The following SHD variants were observed in gnomAD, a reference collection of about 807,000 sequenced individuals.
SHD encodes the protein Src homology 2 domain containing transforming protein D, also known as SH2 domain-containing adapter protein D.
A neutral mutation model predicts 31.2 loss-of-function variants in SHD; 29 were observed. That is an observed-to-expected ratio of 0.93 (90% CI 0.69 to 1.27). The LOEUF (loss-of-function observed/expected upper bound fraction) is 1.27, where lower values mean the gene tolerates loss of function less well. Ranked by LOEUF, SHD falls within the 50% of genes most tolerant of loss-of-function variation. The probability of loss-of-function intolerance (pLI) is 0.00; values close to 1 mark genes in which losing one functional copy is unlikely to be tolerated. For missense variants in SHD, 520 were observed against 453.8 expected (o/e 1.15, Z -1.33); for synonymous variants, 208 against 187.8 (o/e 1.11, Z -0.88).
Position 4,290,359 on chromosome 19 carries a change from CTGGGCACTG to C in SHD, c.837-83_837-75del, listed in dbSNP as rs1158782368. ...GACTGGAGACACACGAGCACCTGGC[CTGGGCACTG>C]TGGGAGGTGGCTTTGGGGATGGTGC... On this transcript the variant is annotated intron_variant, in intron 5 of 5. Transcript: ENST00000543264. 4 of 1,441,650 alleles carry C rather than the reference CTGGGCACTG, an allele frequency of 2.8e-6. No individual in the cohort carries two copies. The African/African-American group carries it at 5.6e-5, about 20-fold the overall frequency. 89.3% of individuals were successfully genotyped at this position (1,441,650 alleles called of 1,614,324 possible).
rs539514020 is a variant in SHD, at chr19:4,285,800, G to A, written c.716+896G>A. 4.0e-5 allele frequency among the ~76,000 whole-genome samples: 6 copies of A among 150,422 alleles called. No individual in the cohort carries two copies. The East Asian group carries it at 5.9e-4, about 15-fold the overall frequency. On this transcript the variant is annotated intron_variant, in intron 4 of 5. Coordinates refer to ENST00000543264, the MANE Select transcript of SHD (RefSeq NM_020209.4). ...CCTGACCTCATGATCCATCCACCTC[G>A]GCCTCCCAAAGTGCTGGGATTACAG...
intron 5 of SHD, among the ~76,000 whole-genome samples, chr19:4,288,693 T>A (rs1440800006): frequency 1.3e-5 from 2 of 152,152 alleles, no homozygotes; most frequent in Non-Finnish European, 2.9e-5. Context: ...TCAATTTGTG[T>A]CCATCTGAAG....
At chr19:4,287,907 T>G (rs1398211460) in intron 4 of SHD, among the ~76,000 whole-genome samples, 2 of 137,032 alleles carry the variant, frequency 1.5e-5, no homozygotes, top group Non-Finnish European at 3.1e-5. Flanking sequence ...TGTTTGTTTG[T>G]TTGTTCGTTT....
chr19:4,280,786 C>A (rs535335639), intron 1 of SHD, among the ~76,000 whole-genome samples: 2 of 152,110 alleles, frequency 1.3e-5, no homozygotes, highest in Non-Finnish European at 2.9e-5. Context: ...CTCTGCCTCC[C>A]GAAGTGCTGG....
At chr19:4,289,103 A>ATTTTTTT (rs71166980) in intron 5 of SHD, among the ~76,000 whole-genome samples, 1 of 77,362 alleles carries the variant, frequency 1.3e-5, no homozygotes, top group Non-Finnish European at 2.3e-5. Context: ...TGCCCAGCTA[A>ATTTTTTT]TTTTTTTTTT....
At position 4,290,666 on chromosome 19, in the gene SHD, G is replaced by A. The variant is rs761695008; in HGVS notation, c.*33G>A. On this transcript the variant is annotated 3_prime_UTR_variant, in exon 6 of 6. Coordinates refer to ENST00000543264, the MANE Select transcript of SHD (RefSeq NM_020209.4). ...CCTCGGCCCCCTTTTGAGTCCTCGG[G>A]CCCAGAATCGTATCCCAAAGCCCTC... The A allele has an allele frequency of 1.3e-6, 2 of 1,547,080 alleles. No individual in the cohort carries two copies. Among genetic ancestry groups the A allele is most frequent in the African/African-American group, 2.7e-5 (2 of 72,870 alleles).
At position 4,279,803 on chromosome 19, in the gene SHD, T is replaced by C. The variant is rs1971236691; in HGVS notation, c.-261T>C. Reference sequence around the variant, plus strand: ...GTTCGGGGCCCTGCGAGGTCCCCCCTTCCCCCGCGGTGCTTCCCAAGCTGG... The same window carrying C: ...GTTCGGGGCCCTGCGAGGTCCCCCCCTCCCCCGCGGTGCTTCCCAAGCTGG... On this transcript the variant is annotated 5_prime_UTR_variant, in exon 1 of 6. Coordinates refer to ENST00000543264, the MANE Select transcript of SHD (RefSeq NM_020209.4). The surrounding 1 kb of genome is among the most constrained non-coding windows in gnomAD (Gnocchi z 7.5). 2.0e-6 allele frequency: 1 copy of C among 503,538 alleles called. No homozygotes were observed. The highest frequency in any genetic ancestry group is 2.9e-5 in the South Asian group (1 of 34,618). 31.2% of individuals were successfully genotyped at this position (503,538 alleles called of 1,614,324 possible).
At chr19:4,284,316 C>T (rs1482230693) in intron 3 of SHD, 1 of 152,348 alleles carries the variant, frequency 6.6e-6, no homozygotes, top group East Asian at 1.9e-4. Context: ...TAAACAAATA[C>T]ATAAAATAAA....
intron 4 of SHD, among the ~76,000 whole-genome samples, chr19:4,285,690 C>T (rs1261936749): frequency 2.6e-5 from 4 of 151,452 alleles, no homozygotes; most frequent in Admixed American, 2.0e-4. Context: ...GGTGGGACTA[C>T]AGGCGTGCAC....
chr19:4,290,476 TCG>T lies in SHD; in HGVS notation c.871_872del (p.Arg291AspfsTer3). 1 of 1,613,006 alleles carries T rather than the reference TCG, an allele frequency of 6.2e-7. No homozygotes were observed. The highest frequency in any genetic ancestry group is 8.5e-7 in the Non-Finnish European group (1 of 1,179,754). ...AGCCAGGGCTTCCTGCATCTGAAGTTCGCGCGGACCCGTGAGAACCAGGTGGT... is the reference window on the plus strand; with the variant it reads ...AGCCAGGGCTTCCTGCATCTGAAGTTCGCGGACCCGTGAGAACCAGGTGGT... On this transcript the variant is annotated frameshift_variant, in exon 6 of 6. Coordinates refer to ENST00000543264, the MANE Select transcript of SHD (RefSeq NM_020209.4). LOFTEE classifies it low-confidence loss of function (END_TRUNC).
chr19:4,280,080 G>A lies in SHD; in HGVS notation c.17G>A (p.Arg6Gln), dbSNP rs766092262. The stretch of plus-strand genomic sequence containing the variant: ...GGCGCCCAAATGGCCAAGTGGCTAC[G>A]GGACTACCTGAGCTTTGGGGGTCGG... Reference protein sequence around the residue: MAKWLRDYLSFGGRRP... With the variant: MAKWLQDYLSFGGRRP... The change falls in exon 1 of 6, where the codon CGG becomes CAG. Residue 6 changes from arginine to glutamine, a missense_variant. Physicochemically the swap from Arg to Gln is conservative, Grantham distance 43. Transcript: ENST00000543264. The A allele has an allele frequency of 6.2e-7, 1 of 1,607,166 alleles. No homozygotes were observed.
In SHD at chr19:4,279,890, T is replaced by G. The variant is rs539138512; in HGVS notation, c.-174T>G. 2.1e-3 allele frequency: 1,588 copies of G among 745,414 alleles called. 5 individuals are homozygous for G. The highest frequency in any genetic ancestry group is 3.0e-3 in the Non-Finnish European group (1,434 of 471,790). 46.2% of individuals were successfully genotyped at this position (745,414 alleles called of 1,614,324 possible). A position where few individuals can be genotyped will look rare whatever the true frequency, so the allele number is the denominator to read the frequency against. On this transcript the variant is annotated 5_prime_UTR_variant, in exon 1 of 6. Transcript: ENST00000543264. This position sits in a 1 kb window ranked among gnomAD's most constrained non-coding sequence, Gnocchi z 7.5. ...CTCCTTTTCCTCCCCCTCGTTCACC[T>G]TTTCCTTCCCTCTATCCATCCAGAG...
chr19:4,288,951 C>G (rs112148479), intron 5 of SHD, among the ~76,000 whole-genome samples: 3,858 of 152,046 alleles, frequency 0.025, 167 homozygotes, highest in African/African-American at 0.086. Context: ...GCCTGGCCAA[C>G]ATGGTGAAAC....
intron 5 of SHD, 94 bp downstream of exon 5, chr19:4,288,456 G>A (rs1257236094): frequency 5.0e-6 from 7 of 1,413,008 alleles, no homozygotes; most frequent in Middle Eastern, 1.8e-4. Flanking sequence ...TGTGGCTCCC[G>A]CAGCCATAGG....
In SHD at chr19:4,279,597, G is replaced by A. The variant is rs1483821984; in HGVS notation, c.-467G>A. Reference sequence around the variant, plus strand: ...GCTGCGCTGAGAACCCAGGCGTCCGGGCTGGGAGAGGGGCCGGGAGCGTCC... The same window carrying A: ...GCTGCGCTGAGAACCCAGGCGTCCGAGCTGGGAGAGGGGCCGGGAGCGTCC... On this transcript the variant is annotated 5_prime_UTR_variant, in exon 1 of 6. Transcript: ENST00000543264. This position sits in a 1 kb window ranked among gnomAD's most constrained non-coding sequence, Gnocchi z 7.5. 1.3e-5 allele frequency: 2 copies of A among 154,350 alleles called. No homozygotes were observed. The highest frequency in any genetic ancestry group is 3.8e-4 in the East Asian group (2 of 5,198). The allele number at this position is 154,350 out of a possible 1,614,324, so 9.6% of individuals were successfully genotyped here.
At chr19:4,281,242 C>G (rs146177609) in intron 1 of SHD, among the ~76,000 whole-genome samples, 1 of 150,816 alleles carries the variant, frequency 6.6e-6, no homozygotes, top group Non-Finnish European at 1.5e-5. Flanking sequence ...CCCAGGAGTT[C>G]GAGACCAGCC....
At chr19:4,287,062 A>G (rs1971327239) in intron 4 of SHD, among the ~76,000 whole-genome samples, 1 of 145,634 alleles carries the variant, frequency 6.9e-6, no homozygotes, top group African/African-American at 2.5e-5. Context: ...AGCCGGGCGC[A>G]GTGGCTCATG....
At chr19:4,285,056 C>A in intron 4 of SHD, 152 bp downstream of exon 4, 1 of 998,284 alleles carries the variant, frequency 1.0e-6, no homozygotes, top group Non-Finnish European at 1.4e-6. Flanking sequence ...TCTTTACGGG[C>A]TCCAGAGCCT....
At chr19:4,283,562 TTTTATTTTATTTTA>T (rs1367147338) in intron 3 of SHD, among the ~76,000 whole-genome samples, 1 of 127,260 alleles carries the variant, frequency 7.9e-6, no homozygotes, top group African/African-American at 4.2e-5. Flanking sequence ...CTTTATTTTA[TTTTATTTTATTTTA>T]TTTTTCTTTC....
Sources: gnomAD v4.1 joint callset for allele counts (sites outside exome capture counted in the v4.1 genomes callset) on GRCh38, gnomAD v4.1.1 for gene constraint, Gnocchi (gnomAD v3.1) non-coding constraint, MANE v1.5 for transcripts, NCBI Gene and HGNC (gene_info 2026-07-23, HGNC 2026-07-21) for gene names.